The following TTC39B variants were observed in gnomAD, a reference collection of about 807,000 sequenced individuals.
The protein encoded by TTC39B is tetratricopeptide repeat domain 39B, also known as tetratricopeptide repeat protein 39B.
In TTC39B, 92 loss-of-function variants were observed where a neutral mutation model predicts 96.6. The observed-to-expected ratio is 0.95, with a 90% CI of 0.80 to 1.13. The LOEUF is 1.13. Ranked by LOEUF, TTC39B falls within the 50% of genes most tolerant of loss-of-function variation. The pLI is 0.00. For missense variants in TTC39B, 955 were observed against 809.3 expected (o/e 1.18, Z -2.18); for synonymous variants, 367 against 299.4 (o/e 1.23, Z -2.33).
chr9:15,288,072 C>A (rs1824045024), intron 1 of TTC39B, among the ~76,000 whole-genome samples: 1 of 151,650 alleles, frequency 6.6e-6, no homozygotes, highest in Non-Finnish European at 1.5e-5. Flanking sequence ...TTAATAAAGT[C>A]ATTTCTACCA....
chr9:15,300,527 C>T (rs1039339622), intron 1 of TTC39B, among the ~76,000 whole-genome samples: 5 of 152,222 alleles, frequency 3.3e-5, no homozygotes, highest in African/African-American at 1.2e-4. Context: ...CACATCCTGG[C>T]TTCATCCACT....
At chr9:15,290,501 T>C (rs546342957) in intron 1 of TTC39B, among the ~76,000 whole-genome samples, 8 of 152,236 alleles carry the variant, frequency 5.3e-5, no homozygotes, top group Non-Finnish European at 1.0e-4. Context: ...CCTGAAAATA[T>C]AACTTAACAA....
chr9:15,171,990 G>A, exon 20 of TTC39B: 1 of 1,550,704 alleles, frequency 6.4e-7, no homozygotes, highest in Non-Finnish European at 8.9e-7. Context: ...GATGCTAATT[G>A]AGGAAAAATT....
intron 2 of TTC39B, among the ~76,000 whole-genome samples, chr9:15,226,859 T>G (rs530984371): frequency 6.6e-6 from 1 of 152,262 alleles, no homozygotes; most frequent in Admixed American, 6.5e-5. Flanking sequence ...ACAATAGAAT[T>G]GCCAATCTCC....
At chr9:15,185,618 G>A in intron 15 of TTC39B, 2 of 541,740 alleles carry the variant, frequency 3.7e-6, no homozygotes, top group Non-Finnish European at 6.2e-6. Flanking sequence ...ATTTTGATAA[G>A]CCCTCCAGGT....
At chr9:15,272,489 C>T (rs528333771) in intron 1 of TTC39B, among the ~76,000 whole-genome samples, 11 of 152,292 alleles carry the variant, frequency 7.2e-5, no homozygotes, top group African/African-American at 2.6e-4. Flanking sequence ...ACAGGAAAAC[C>T]TCGGTGTTTA....
chr9:15,286,110 C>T (rs147503799), intron 1 of TTC39B, among the ~76,000 whole-genome samples: 3 of 152,322 alleles, frequency 2.0e-5, no homozygotes, highest in African/African-American at 7.2e-5. Context: ...CTTACATGGC[C>T]ACAGTGGAGT....
chr9:15,264,633 C>A (rs538215491), intron 2 of TTC39B, among the ~76,000 whole-genome samples: 1 of 132,380 alleles, frequency 7.6e-6, no homozygotes, highest in African/African-American at 3.0e-5. Context: ...CTAGCCTGGG[C>A]GACAGAGCGA....
intron 1 of TTC39B, among the ~76,000 whole-genome samples, chr9:15,272,487 A>G (rs7874222): frequency 0.32 from 48,037 of 152,044 alleles, 11,831 homozygotes; most frequent in African/African-American, 0.69. Flanking sequence ...TTACAGGAAA[A>G]CCTCGGTGTT....
At chr9:15,186,351 G>A (rs1031856165) in intron 15 of TTC39B, among the ~76,000 whole-genome samples, 2 of 152,112 alleles carry the variant, frequency 1.3e-5, no homozygotes, top group Non-Finnish European at 2.9e-5. Flanking sequence ...TCTCAGACAG[G>A]AACCCTTGTA....
Position 15,189,917 on chromosome 9 carries a change from T to C in TTC39B, c.1106-125A>G, listed in dbSNP as rs541369274. 7 of 674,504 alleles carry C rather than the reference T, an allele frequency of 1.0e-5. No individual in the cohort carries two copies. The East Asian group carries it at 1.6e-4, about 16-fold the overall frequency. The allele number at this position is 674,504 out of a possible 1,614,324, so 41.8% of individuals were successfully genotyped here. ...GGAAAAGATGAAAACTATTATTTCA[T>C]CATTTTTATATCTGGGGAATAAAAT... On this transcript the variant is annotated intron_variant, in intron 11 of 19. Coordinates refer to ENST00000512701, the Ensembl canonical transcript of TTC39B.
rs1053976125 is a variant in TTC39B, at chr9:15,289,898, C to T, written c.240+17186G>A. Among the ~76,000 whole-genome samples, 22 of 152,168 alleles carry T rather than the reference C, an allele frequency of 1.4e-4. 1 individual carries two copies. Among genetic ancestry groups the T allele is most frequent in the Non-Finnish European group, 2.5e-4 (17 of 67,982 alleles). On this transcript the variant is annotated intron_variant, in intron 1 of 19. Transcript: ENST00000512701. The stretch of plus-strand genomic sequence containing the variant: ...TTTCTTGCAAGTGGAACAAATTATT[C>T]ATGTGGGCAGGAGTAATTCATACAG...
At chr9:15,174,534 G>C (rs1351478801) in intron 19 of TTC39B, among the ~76,000 whole-genome samples, 1 of 152,150 alleles carries the variant, frequency 6.6e-6, no homozygotes. Flanking sequence ...AGCTTCACAA[G>C]ATCAATGGCT....
intron 2 of TTC39B, among the ~76,000 whole-genome samples, chr9:15,235,768 G>T (rs897855488): frequency 1.3e-5 from 2 of 152,108 alleles, no homozygotes; most frequent in Non-Finnish European, 2.9e-5. Context: ...AAATACTAAG[G>T]GCATCTGTCA....
intron 1 of TTC39B, among the ~76,000 whole-genome samples, chr9:15,302,280 C>T (rs573258469): frequency 1.3e-5 from 2 of 150,144 alleles, no homozygotes; most frequent in African/African-American, 2.5e-5. Context: ...GAGCCAAGAT[C>T]ATGCCACTGC....
intron 1 of TTC39B, among the ~76,000 whole-genome samples, chr9:15,290,638 A>T (rs1824150428): frequency 6.6e-6 from 1 of 152,270 alleles, no homozygotes; most frequent in Non-Finnish European, 1.5e-5. Flanking sequence ...ATGCAGATTT[A>T]AAATGCAGAA....
chr9:15,256,663 G>T (rs1368984286), intron 2 of TTC39B, among the ~76,000 whole-genome samples: 1 of 152,144 alleles, frequency 6.6e-6, no homozygotes, highest in Non-Finnish European at 1.5e-5. Flanking sequence ...TGTTTTGGTG[G>T]AGTCACTGAG....
intron 17 of TTC39B, among the ~76,000 whole-genome samples, chr9:15,181,121 T>TG (rs1818226883): frequency 6.6e-6 from 1 of 152,054 alleles, no homozygotes; most frequent in Non-Finnish European, 1.5e-5. Context: ...CCCCAACCAA[T>TG]GGGGGGCTGG....
chr9:15,207,864 A>G (rs998553908), intron 6 of TTC39B, among the ~76,000 whole-genome samples: 2 of 150,324 alleles, frequency 1.3e-5, no homozygotes, highest in Admixed American at 6.6e-5. Context: ...GGCACCTGTA[A>G]TCCCAGCTAC....
Sources: gnomAD v4.1 joint callset for allele counts (sites outside exome capture counted in the v4.1 genomes callset) on GRCh38, gnomAD v4.1.1 for gene constraint, MANE v1.5 for transcripts, NCBI Gene and HGNC (gene_info 2026-07-23, HGNC 2026-07-21) for gene names.